Variants in ZDHHC17 observed in about 807,000 individuals in gnomAD.
ZDHHC17 encodes palmitoyltransferase ZDHHC17.
In ZDHHC17, 40 loss-of-function variants were observed where a neutral mutation model predicts 90.3. The observed-to-expected ratio is 0.44, with a 90% CI of 0.34 to 0.58. The LOEUF is 0.58. Among genes scored for constraint, ZDHHC17 ranks in the 20% least tolerant of loss-of-function variants. The pLI is 0.01. For synonymous variants in ZDHHC17, 235 were observed against 252.4 expected (o/e 0.93, Z 0.65); for missense variants, 614 against 780.8 (o/e 0.79, Z 2.55).
chr12:76,818,840 G>A (rs1432614695), intron 7 of ZDHHC17, among the ~76,000 whole-genome samples: 2 of 152,208 alleles, frequency 1.3e-5, no homozygotes, highest in African/African-American at 2.4e-5. Context: ...AAGGATTTAT[G>A]TAGGCTGATT....
chr12:76,765,867 A>AT (rs1052348078), intron 1 of ZDHHC17, among the ~76,000 whole-genome samples: 23 of 152,066 alleles, frequency 1.5e-4, no homozygotes, highest in African/African-American at 5.3e-4. Flanking sequence ...TACCCGGCTG[A>AT]TTTTTTTATT....
chr12:76,807,060 T>C (rs1156750423), intron 3 of ZDHHC17, among the ~76,000 whole-genome samples: 1 of 152,198 alleles, frequency 6.6e-6, no homozygotes, highest in Non-Finnish European at 1.5e-5. Flanking sequence ...GGACTGACAC[T>C]GAAGTCAGAA....
chr12:76,802,519 C>A (rs1952903305), intron 2 of ZDHHC17, among the ~76,000 whole-genome samples: 1 of 151,496 alleles, frequency 6.6e-6, no homozygotes, highest in African/African-American at 2.4e-5. Context: ...TCTCTCTGTC[C>A]CTTTCTCTCT....
intron 7 of ZDHHC17, among the ~76,000 whole-genome samples, chr12:76,820,689 A>G (rs1450555028): frequency 1.3e-5 from 2 of 152,210 alleles, no homozygotes; most frequent in African/African-American, 4.8e-5. Context: ...TCACCAAGGA[A>G]AAATTTTTTT....
rs1297473557 is a variant in ZDHHC17 at position 76,809,709 on chromosome 12, T to C, written c.399-4T>C. The C allele has an allele frequency of 6.8e-7, 1 of 1,473,282 alleles. No homozygotes were observed. Among genetic ancestry groups the C allele is most frequent in the East Asian group, 2.6e-5 (1 of 38,882 alleles). 91.3% of individuals were successfully genotyped at this position (1,473,282 alleles called of 1,614,324 possible). A position where few individuals can be genotyped will look rare whatever the true frequency, so the allele number is the denominator to read the frequency against. ...ATCTAAGTGTTTATTCTTTTATGTT[T>C]TAGACAAGGCCATCTATCCATGGTT... On this transcript the variant is annotated splice_polypyrimidine_tract_variant and splice_region_variant and intron_variant, in intron 4 of 16. Coordinates refer to ENST00000426126, the MANE Select transcript of ZDHHC17 (RefSeq NM_015336.4).
chr12:76,794,647 A>G (rs988829129), intron 1 of ZDHHC17, among the ~76,000 whole-genome samples: 3 of 152,176 alleles, frequency 2.0e-5, no homozygotes, highest in African/African-American at 7.2e-5. Flanking sequence ...GGCACAAAAC[A>G]GATACTTACA....
chr12:76,793,921 T>G (rs1206301704), intron 1 of ZDHHC17, among the ~76,000 whole-genome samples: 7 of 152,210 alleles, frequency 4.6e-5, no homozygotes. Context: ...AGTCTCACTC[T>G]GTTGCCCAGG....
chr12:76,841,732 A>C (rs1316342226), intron 10 of ZDHHC17, among the ~76,000 whole-genome samples: 1 of 152,104 alleles, frequency 6.6e-6, no homozygotes, highest in Admixed American at 6.6e-5. Context: ...TTTTTGTCAA[A>C]AAATTAGTCA....
At chr12:76,785,415 C>T (rs1349291388) in intron 1 of ZDHHC17, among the ~76,000 whole-genome samples, 2 of 152,120 alleles carry the variant, frequency 1.3e-5, no homozygotes, top group Non-Finnish European at 2.9e-5. Flanking sequence ...GACCACATCC[C>T]AGTAAACTCA....
rs566049513 is a variant in ZDHHC17 at position 76,847,662 on chromosome 12, T to G, written c.1508-571T>G. Among the ~76,000 whole-genome samples the G allele has an allele frequency of 1.8e-3, 269 of 152,272 alleles. 2 individuals carry two copies. Among genetic ancestry groups the G allele is most frequent in the African/African-American group, 6.3e-3 (262 of 41,544 alleles). On this transcript the variant is annotated intron_variant, in intron 14 of 16. Transcript: ENST00000426126. ...TGAGGCCAGGAGTTTGAGACCAGCC[T>G]GGGCAACGTAGGAAGAGAGACCCCA... is the stretch of plus-strand genomic sequence containing the variant.
chr12:76,779,625 A>G (rs1952600518), intron 1 of ZDHHC17, among the ~76,000 whole-genome samples: 1 of 152,192 alleles, frequency 6.6e-6, no homozygotes, highest in Admixed American at 6.5e-5. Flanking sequence ...GACACAGCCA[A>G]ACCACATCAG....
chr12:76,837,440 A>T (rs1953380908), intron 10 of ZDHHC17, among the ~76,000 whole-genome samples: 2 of 152,178 alleles, frequency 1.3e-5, no homozygotes, highest in Non-Finnish European at 2.9e-5. Context: ...GACTGCAGTA[A>T]GATATGATTA....
chr12:76,823,281 T>C (rs1418221022), intron 8 of ZDHHC17, among the ~76,000 whole-genome samples: 2 of 152,230 alleles, frequency 1.3e-5, no homozygotes, highest in African/African-American at 4.8e-5. Flanking sequence ...GAGCTTTGCA[T>C]TCTTTTGTGA....
intron 8 of ZDHHC17, among the ~76,000 whole-genome samples, chr12:76,822,857 G>T (rs924684277): frequency 6.6e-6 from 1 of 151,900 alleles, no homozygotes; most frequent in Non-Finnish European, 1.5e-5. Flanking sequence ...GAGCCACCGC[G>T]CCCAGCTGAA....
chr12:76,806,415 A>G (rs996044530), intron 3 of ZDHHC17, among the ~76,000 whole-genome samples: 4 of 152,136 alleles, frequency 2.6e-5, no homozygotes, highest in Non-Finnish European at 5.9e-5. Context: ...AGTAGTTGGG[A>G]TTATAGGCGG....
intron 5 of ZDHHC17, among the ~76,000 whole-genome samples, chr12:76,814,657 T>TA (rs1217850835): frequency 6.6e-6 from 1 of 151,894 alleles, no homozygotes; most frequent in African/African-American, 2.4e-5. Flanking sequence ...GGGATTGCTT[T>TA]AGTGTGTTGC....
intron 5 of ZDHHC17, among the ~76,000 whole-genome samples, chr12:76,812,284 C>T (rs1025672402): frequency 6.6e-6 from 1 of 152,180 alleles, no homozygotes; most frequent in African/African-American, 2.4e-5. Context: ...CTTCTGCCAT[C>T]TCCCCATCAT....
intron 8 of ZDHHC17, among the ~76,000 whole-genome samples, chr12:76,825,939 C>T (rs756346018): frequency 1.6e-3 from 239 of 151,986 alleles, no homozygotes; most frequent in Non-Finnish European, 2.8e-3. Flanking sequence ...CTCAGGCTCC[C>T]GAGTAGCTGG....
intron 16 of ZDHHC17, among the ~76,000 whole-genome samples, chr12:76,849,860 T>G (rs1045754927): frequency 6.6e-6 from 1 of 152,164 alleles, no homozygotes; most frequent in African/African-American, 2.4e-5. Context: ...ACAGAGTTAG[T>G]TGGGTAGTTT....
Sources: allele counts gnomAD v4.1 joint callset (sites outside exome capture counted in the v4.1 genomes callset), GRCh38; gene constraint gnomAD v4.1.1; transcripts MANE v1.5; gene names NCBI Gene and HGNC (gene_info 2026-07-23, HGNC 2026-07-21).